Variants in CA12 observed in about 807,000 individuals in gnomAD.
The protein encoded by CA12 is carbonic anhydrase 12, also known as carbonate dehydratase XII.
CA12 carries 36 observed loss-of-function variants against 46.8 expected under a neutral mutation model. That is an observed-to-expected ratio of 0.77 (90% CI 0.59 to 1.02). The LOEUF is 1.02. CA12 is among the 50% of genes least tolerant of loss of function. The pLI, the probability that CA12 is intolerant of heterozygous loss-of-function variation, is 0.00. For missense variants in CA12, 436 were observed against 451.4 expected, an observed-to-expected ratio of 0.97 and a Z score of 0.31; for synonymous variants, 202 against 187.0, an observed-to-expected ratio of 1.08 and a Z score of -0.65.
At position 63,329,206 on chromosome 15, in the gene CA12, G is replaced by A. The variant is rs891656767; in HGVS notation, c.875-1076C>T. Among the ~76,000 whole-genome samples, 9 of 152,168 alleles carry A rather than the reference G, an allele frequency of 5.9e-5. No individual in the cohort carries two copies. Among genetic ancestry groups the A allele is most frequent in the Admixed American group, 1.3e-4 (2 of 15,284 alleles). ...TTTGCTTTGTCCCTCCTGGACAAACGCCTTCACCACATCAGCCCCACTTCT... is the reference window on the plus strand; with the variant it reads ...TTTGCTTTGTCCCTCCTGGACAAACACCTTCACCACATCAGCCCCACTTCT... On this transcript the variant is annotated intron_variant, in intron 8 of 10. Transcript: ENST00000178638. The surrounding 1 kb of genome is among the most constrained non-coding windows in gnomAD (Gnocchi z 4.8).
intron 2 of CA12, among the ~76,000 whole-genome samples, chr15:63,362,374 G>T (rs901979321): frequency 1.3e-5 from 2 of 152,224 alleles, no homozygotes; most frequent in African/African-American, 2.4e-5. Flanking sequence ...TGAGTAGCAA[G>T]CCTGAGCTCT....
chr15:63,358,904 G>A (rs565591372), intron 2 of CA12, among the ~76,000 whole-genome samples: 1 of 152,240 alleles, frequency 6.6e-6, no homozygotes, highest in South Asian at 2.1e-4. Flanking sequence ...ACTTCATGCA[G>A]CCCTTGACCC....
intron 10 of CA12, among the ~76,000 whole-genome samples, 173 bp downstream of exon 10, chr15:63,326,976 G>A (rs2038875068): frequency 6.6e-6 from 1 of 152,246 alleles, no homozygotes; most frequent in South Asian, 2.1e-4. Flanking sequence ...AGGGTCACAT[G>A]TGCGTCTCAT....
chr15:63,336,090 A>G (rs35639434), intron 8 of CA12, among the ~76,000 whole-genome samples: 6,789 of 152,286 alleles, frequency 0.045, 194 homozygotes, highest in Middle Eastern at 0.065. Flanking sequence ...GCTGGTCCCA[A>G]CCTGGGCTTG....
At chr15:63,361,364 G>A (rs1367388928) in intron 2 of CA12, among the ~76,000 whole-genome samples, 1 of 152,230 alleles carries the variant, frequency 6.6e-6, no homozygotes, top group African/African-American at 2.4e-5. Flanking sequence ...TGCCCCACCT[G>A]TGATGTTATT....
chr15:63,356,220 C>T (rs1213233734), intron 2 of CA12, among the ~76,000 whole-genome samples: 1 of 152,046 alleles, frequency 6.6e-6, no homozygotes, highest in Non-Finnish European at 1.5e-5. Context: ...TGGTGAAACC[C>T]CGTCTGTACT....
At chr15:63,361,817 A>G (rs1595788474) in intron 2 of CA12, among the ~76,000 whole-genome samples, 2 of 152,262 alleles carry the variant, frequency 1.3e-5, no homozygotes, top group African/African-American at 2.4e-5. Flanking sequence ...GGAAGAGATC[A>G]CCACCCTCAG....
intron 2 of CA12, among the ~76,000 whole-genome samples, chr15:63,370,645 T>C (rs948934217): frequency 8.6e-5 from 13 of 151,268 alleles, no homozygotes; most frequent in Non-Finnish European, 1.2e-4. Flanking sequence ...TGGTGGTGGG[T>C]GCCTGTAATC....
chr15:63,345,093 AG>A lies in CA12; in HGVS notation c.429+383del, dbSNP rs969694511. ...TGCAAACAGCATGACATATGAAGAA[AG>A]GCTGAGAAGTTTGGGGGAGCAGTGA... On this transcript the variant is annotated intron_variant, in intron 4 of 10. Coordinates refer to ENST00000178638, the MANE Select transcript of CA12 (RefSeq NM_001218.5). This position sits in a 1 kb window ranked among gnomAD's most constrained non-coding sequence, Gnocchi z 4.3. Among the ~76,000 whole-genome samples, 20 of 152,214 alleles carry A rather than the reference AG, an allele frequency of 1.3e-4. No homozygotes were observed. Among genetic ancestry groups the A allele is most frequent in the South Asian group, 4.1e-4 (2 of 4,832 alleles).
In CA12 at chr15:63,372,517, G is replaced by A. The variant is rs879352920; in HGVS notation, c.106+3141C>T. 5.9e-5 allele frequency among the ~76,000 whole-genome samples: 9 copies of A among 152,232 alleles called. No homozygotes were observed. The highest frequency in any genetic ancestry group is 1.2e-4 in the Non-Finnish European group (8 of 68,036). On this transcript the variant is annotated intron_variant, in intron 2 of 10. Coordinates refer to ENST00000178638, the MANE Select transcript of CA12 (RefSeq NM_001218.5). This position sits in a 1 kb window ranked among gnomAD's most constrained non-coding sequence, Gnocchi z 4.5. ...AGTCCTACCATGTGTGCCAGACAGT[G>A]GGAGGCCCCTGGAGAATGACTCAGC...
At chr15:63,337,618 G>A (rs989817512) in intron 8 of CA12, among the ~76,000 whole-genome samples, 6 of 152,186 alleles carry the variant, frequency 3.9e-5, no homozygotes, top group South Asian at 2.1e-4. Flanking sequence ...CACCACGCCC[G>A]GCTAATTTTT....
intron 1 of CA12, among the ~76,000 whole-genome samples, chr15:63,376,859 T>C (rs1453291142): frequency 2.0e-5 from 3 of 151,638 alleles, no homozygotes; most frequent in African/African-American, 7.3e-5. Flanking sequence ...CCCAGGCTGA[T>C]CTCAAACTCC....
Position 63,342,106 on chromosome 15 carries a change from G to A in CA12, c.430-9C>T, listed in dbSNP as rs1190520751. The A allele has an allele frequency of 1.3e-6, 2 of 1,594,822 alleles. No homozygotes were observed. Among genetic ancestry groups the A allele is most frequent in the South Asian group, 1.1e-5 (1 of 90,498 alleles). Reference sequence around the variant, plus strand: ...TAATGGACAATGTGCAGCTGCAGTGGGGGAGAAGCCACCCATTAGGAGATA... The same window carrying A: ...TAATGGACAATGTGCAGCTGCAGTGAGGGAGAAGCCACCCATTAGGAGATA... On this transcript the variant is annotated splice_polypyrimidine_tract_variant and intron_variant, in intron 4 of 10. Transcript: ENST00000178638.
intron 2 of CA12, among the ~76,000 whole-genome samples, chr15:63,366,858 T>C (rs1171948316): frequency 6.6e-6 from 1 of 152,234 alleles, no homozygotes; most frequent in Non-Finnish European, 1.5e-5. Context: ...TACAAGGTTT[T>C]GGCTCAGGAT....
chr15:63,360,436 A>G lies in CA12; in HGVS notation c.107-13727T>C, dbSNP rs559419101. ...ACTATCATCTAAGACTGTTTGTTAC[A>G]TAAACGTCCTTTAAAAGCAAGTCTG... On this transcript the variant is annotated intron_variant, in intron 2 of 10. Transcript: ENST00000178638. Among the ~76,000 whole-genome samples the G allele has an allele frequency of 3.3e-5, 5 of 152,350 alleles. No homozygotes were observed. In the South Asian group the frequency reaches 1.0e-3, roughly 32 times the overall value.
chr15:63,349,891 T>C (rs955797583), intron 2 of CA12, among the ~76,000 whole-genome samples: 1 of 152,158 alleles, frequency 6.6e-6, no homozygotes, highest in Non-Finnish European at 1.5e-5. Flanking sequence ...GCTTGTTCCT[T>C]TCCCAGGGAA....
At chr15:63,349,427 C>G (rs2039196900) in intron 2 of CA12, among the ~76,000 whole-genome samples, 1 of 152,198 alleles carries the variant, frequency 6.6e-6, no homozygotes, top group African/African-American at 2.4e-5. Flanking sequence ...GCATCAGGAA[C>G]CTGCCCTGGT....
intron 2 of CA12, among the ~76,000 whole-genome samples, chr15:63,356,537 T>G (rs1168732670): frequency 2.0e-5 from 3 of 151,822 alleles, no homozygotes; most frequent in East Asian, 3.9e-4. Context: ...CTTTTTTTTT[T>G]TTGAGACAGA....
intron 1 of CA12, among the ~76,000 whole-genome samples, 195 bp from the exon 2 acceptor site, chr15:63,375,873 G>A (rs1257732113): frequency 2.0e-5 from 3 of 150,992 alleles, no homozygotes; most frequent in African/African-American, 7.3e-5. Flanking sequence ...GCAGTGGCGC[G>A]ATCTCGGCTC....
Sources: gnomAD v4.1 joint callset for allele counts (sites outside exome capture counted in the v4.1 genomes callset) on GRCh38, gnomAD v4.1.1 for gene constraint, Gnocchi (gnomAD v3.1) non-coding constraint, MANE v1.5 for transcripts, NCBI Gene and HGNC (gene_info 2026-07-23, HGNC 2026-07-21) for gene names.